Variants in POLR2K observed in about 807,000 individuals in gnomAD.
POLR2K encodes RNA polymerase II, I and III subunit K.
A neutral mutation model predicts 10.1 loss-of-function variants in POLR2K; 9 were observed. That is an observed-to-expected ratio of 0.89 (90% CI 0.54 to 1.56). The LOEUF (loss-of-function observed/expected upper bound fraction) is 1.56, where lower values mean the gene tolerates loss of function less well. POLR2K is among the 40% of genes most tolerant of loss of function. POLR2K has a pLI of 0.00. For synonymous variants in POLR2K, 19 were observed against 20.3 expected (o/e 0.94, Z 0.17); for missense variants, 53 against 71.9 (o/e 0.74, Z 0.95).
At chr8:100,150,868 T>G (rs980728903) in intron 1 of POLR2K, among the ~76,000 whole-genome samples, 159 bp downstream of exon 1, 2 of 152,216 alleles carry the variant, frequency 1.3e-5, no homozygotes, top group African/African-American at 4.8e-5. Flanking sequence ...GTTTAGATGT[T>G]TAGCCAGTAG....
At chr8:100,151,302 G>T in intron 1 of POLR2K, 45 bp from the exon 2 acceptor site, 1 of 1,263,026 alleles carries the variant, frequency 7.9e-7, no homozygotes, top group South Asian at 1.2e-5. Flanking sequence ...ATGGACTTGT[G>T]AGAAGCCCTT....
chr8:100,151,829 C>G lies in POLR2K; in HGVS notation c.67C>G (p.His23Asp). Residue 23 changes from histidine (H) to aspartate (D), a missense_variant, in exon 3 of 4, where the codon CAC (histidine) becomes GAC (aspartate). Physicochemically the swap from His to Asp is moderately conservative, Grantham distance 81. Transcript: ENST00000353107. ...ATTTTTTTTTTTAATTCTAGAGTGT[C>G]ACACAGAAAATGAAATAAAATCTAG... ...QPMIYICGEC[H>D]TENEIKSRDP... The G allele has an allele frequency of 6.7e-7, 1 of 1,485,640 alleles. No individual in the cohort carries two copies. Among genetic ancestry groups the G allele is most frequent in the Non-Finnish European group, 9.3e-7 (1 of 1,077,388 alleles). 92.0% of individuals were successfully genotyped at this position (1,485,640 alleles called of 1,614,324 possible). A position where few individuals can be genotyped will look rare whatever the true frequency, so the allele number is the denominator to read the frequency against.
In POLR2K at chr8:100,151,930, G is replaced by A. The variant is rs766239880; in HGVS notation, c.154+14G>A. The A allele has an allele frequency of 4.4e-6, 5 of 1,134,418 alleles. No individual in the cohort carries two copies. The highest frequency in any genetic ancestry group is 1.7e-5 in the Admixed American group (1 of 58,064). The allele number at this position is 1,134,418 out of a possible 1,614,324, so 70.3% of individuals were successfully genotyped here. A position where few individuals can be genotyped will look rare whatever the true frequency, so the allele number is the denominator to read the frequency against. On this transcript the variant is annotated intron_variant, in intron 3 of 3. Coordinates refer to ENST00000353107, the MANE Select transcript of POLR2K (RefSeq NM_005034.4). ...GGACTAAAAGATGTATCCTTTTAACGATGCTTTCTAAATATGAGTTAGGAG... is the reference window on the plus strand; with the variant it reads ...GGACTAAAAGATGTATCCTTTTAACAATGCTTTCTAAATATGAGTTAGGAG...
At position 100,153,515 on chromosome 8, in the gene POLR2K, C is replaced by A; in HGVS notation, c.*199C>A. 1 of 465,432 alleles carries A rather than the reference C, an allele frequency of 2.1e-6. No homozygotes were observed. The allele number at this position is 465,432 out of a possible 1,614,324, so 28.8% of individuals were successfully genotyped here. A position where few individuals can be genotyped will look rare whatever the true frequency, so the allele number is the denominator to read the frequency against. On this transcript the variant is annotated 3_prime_UTR_variant, in exon 4 of 4. Coordinates refer to ENST00000353107, the MANE Select transcript of POLR2K (RefSeq NM_005034.4). ...CACTGTTTTTTCCATATATATATAC[C>A]TATGATAAAGTATAATGTATAAATT...
Position 100,151,428 on chromosome 8 carries a change from A to ATATT in POLR2K, c.61+12_61+13insTATT. On this transcript the variant is annotated intron_variant, in intron 2 of 3. Coordinates refer to ENST00000353107, the MANE Select transcript of POLR2K (RefSeq NM_005034.4). The stretch of plus-strand genomic sequence containing the variant: ...ATATATCTGTGGAGGTAAGAGTAGC[A>ATATT]CTTACCTAAAGTAAGAATATTTTAT... The ATATT allele has an allele frequency of 2.7e-6, 4 of 1,495,650 alleles. No homozygotes were observed. The South Asian group carries it at 4.5e-5, about 17-fold the overall frequency. 92.6% of individuals were successfully genotyped at this position (1,495,650 alleles called of 1,614,324 possible).
intron 2 of POLR2K, 32 bp from the exon 3 acceptor site, chr8:100,151,792 G>A (rs751228022): frequency 2.1e-6 from 2 of 971,138 alleles, no homozygotes; most frequent in South Asian, 2.8e-5. Context: ...TTTCCTCTTA[G>A]GCATTGAGTA....
At position 100,153,322 on chromosome 8, in the gene POLR2K, G is replaced by A; in HGVS notation, c.*6G>A. On this transcript the variant is annotated 3_prime_UTR_variant, in exon 4 of 4. Transcript: ENST00000353107. The stretch of plus-strand genomic sequence containing the variant: ...TCGTTTTTGATGCTCGATGAATGCT[G>A]GGAATTCAGAGGAATGTCTTCACTT... The A allele has an allele frequency of 6.2e-7, 1 of 1,606,036 alleles. No homozygotes were observed. Among genetic ancestry groups the A allele is most frequent in the Non-Finnish European group, 8.5e-7 (1 of 1,173,942 alleles).
rs1363790311 is a variant in POLR2K, at chr8:100,153,293, G to C, written c.155-1G>C. The C allele has an allele frequency of 6.2e-7, 1 of 1,607,892 alleles. No individual in the cohort carries two copies. The highest frequency in any genetic ancestry group is 1.1e-5 in the South Asian group (1 of 90,524). ...TTTGTCCTTAACTCAAATTAATACA[G>C]TGGTCGTTTTTGATGCTCGATGAAT... On this transcript the variant is annotated splice_acceptor_variant, in intron 3 of 3. Coordinates refer to ENST00000353107, the MANE Select transcript of POLR2K (RefSeq NM_005034.4). LOFTEE classifies it high-confidence loss of function.
At chr8:100,150,970 T>C (rs1814909793) in intron 1 of POLR2K, among the ~76,000 whole-genome samples, 1 of 152,140 alleles carries the variant, frequency 6.6e-6, no homozygotes, top group East Asian at 1.9e-4. Context: ...TTTGGGAAAA[T>C]AGAACTTGTG....
chr8:100,152,759 TTTTG>T (rs1489607908), intron 3 of POLR2K, among the ~76,000 whole-genome samples: 2 of 152,100 alleles, frequency 1.3e-5, no homozygotes, highest in African/African-American at 2.4e-5. Flanking sequence ...TAGTGTTTTT[TTTTG>T]TTTGTTTTTT....
Position 100,153,438 on chromosome 8 carries a change from T to C in POLR2K, c.*122T>C. 1 of 810,644 alleles carries C rather than the reference T, an allele frequency of 1.2e-6. No homozygotes were observed. Among genetic ancestry groups the C allele is most frequent in the Non-Finnish European group, 2.1e-6 (1 of 484,042 alleles). 50.2% of individuals were successfully genotyped at this position (810,644 alleles called of 1,614,324 possible). A position where few individuals can be genotyped will look rare whatever the true frequency, so the allele number is the denominator to read the frequency against. ...TCCCCCTTATCTTCGGGAGATACATTCCAAGGCCCCCAGTGAACTCCTGAA... is the reference window on the plus strand; with the variant it reads ...TCCCCCTTATCTTCGGGAGATACATCCCAAGGCCCCCAGTGAACTCCTGAA... On this transcript the variant is annotated 3_prime_UTR_variant, in exon 4 of 4. Transcript: ENST00000353107.
chr8:100,151,425 A>G lies in POLR2K; in HGVS notation c.61+9A>G. 1 of 1,513,900 alleles carries G rather than the reference A, an allele frequency of 6.6e-7. No individual in the cohort carries two copies. The highest frequency in any genetic ancestry group is 9.2e-7 in the Non-Finnish European group (1 of 1,088,472). 93.8% of individuals were successfully genotyped at this position (1,513,900 alleles called of 1,614,324 possible). On this transcript the variant is annotated intron_variant, in intron 2 of 3. Transcript: ENST00000353107. ...GATATATATCTGTGGAGGTAAGAGT[A>G]GCACTTACCTAAAGTAAGAATATTT... is the stretch of plus-strand genomic sequence containing the variant.
Position 100,151,851 on chromosome 8 carries a change from C to G in POLR2K, c.89C>G (p.Ser30Cys). The G allele has an allele frequency of 6.4e-7, 1 of 1,556,122 alleles. No individual in the cohort carries two copies. Among genetic ancestry groups the G allele is most frequent in the Non-Finnish European group, 8.8e-7 (1 of 1,136,394 alleles). The change falls in exon 3 of 4, where the codon TCT becomes TGT. Residue 30 changes from serine (S) to cysteine (C), a missense_variant. Transcript: ENST00000353107. ...GECHTENEIK[S>C]RDPIRCRECG... The stretch of plus-strand genomic sequence containing the variant: ...TGTCACACAGAAAATGAAATAAAAT[C>G]TAGGGATCCAATCAGATGCAGAGAA...
Position 100,153,674 on chromosome 8 carries a change from G to A in POLR2K, c.*358G>A, listed in dbSNP as rs1173922431. The A allele has an allele frequency of 5.8e-6, 1 of 171,548 alleles. No homozygotes were observed. Among genetic ancestry groups the A allele is most frequent in the African/African-American group, 2.4e-5 (1 of 42,182 alleles). 10.6% of individuals were successfully genotyped at this position (171,548 alleles called of 1,614,324 possible). ...CAGTACTCACCTATTTTAGAATGTG[G>A]TTGACTACAGGTAACCAAAACCACA... is the stretch of plus-strand genomic sequence containing the variant. On this transcript the variant is annotated 3_prime_UTR_variant, in exon 4 of 4. Transcript: ENST00000353107.
At chr8:100,152,978 C>T (rs1814940613) in intron 3 of POLR2K, among the ~76,000 whole-genome samples, 1 of 152,064 alleles carries the variant, frequency 6.6e-6, no homozygotes, top group African/African-American at 2.4e-5. Flanking sequence ...CCATGTTAGC[C>T]AGGATGGTCT....
At chr8:100,151,969 CT>C in intron 3 of POLR2K, 53 bp downstream of exon 3, 2 of 844,968 alleles carry the variant, frequency 2.4e-6, no homozygotes, top group African/African-American at 1.7e-5. Flanking sequence ...ATGAATAATG[CT>C]GGGGTTGATA....
At chr8:100,150,921 T>G (rs951404341) in intron 1 of POLR2K, among the ~76,000 whole-genome samples, 1 of 152,214 alleles carries the variant, frequency 6.6e-6, no homozygotes, top group Non-Finnish European at 1.5e-5. Context: ...TGTTCCCCTG[T>G]TGAGGGATAT....
In POLR2K at chr8:100,151,427, C is replaced by T; in HGVS notation, c.61+11C>T. 4 of 1,522,806 alleles carry T rather than the reference C, an allele frequency of 2.6e-6. No homozygotes were observed. The South Asian group carries it at 4.5e-5, about 17-fold the overall frequency. 94.3% of individuals were successfully genotyped at this position (1,522,806 alleles called of 1,614,324 possible). On this transcript the variant is annotated intron_variant, in intron 2 of 3. Coordinates refer to ENST00000353107, the MANE Select transcript of POLR2K (RefSeq NM_005034.4). ...TATATATCTGTGGAGGTAAGAGTAG[C>T]ACTTACCTAAAGTAAGAATATTTTA...
In POLR2K at chr8:100,153,276, TAACTC is replaced by T. The variant is rs751289358; in HGVS notation, c.155-15_155-11del. 3 of 1,599,704 alleles carry T rather than the reference TAACTC, an allele frequency of 1.9e-6. No individual in the cohort carries two copies. The highest frequency in any genetic ancestry group is 2.2e-5 in the East Asian group (1 of 44,566). ...AATGTTTAAGTACCGTTTTTGTCCT[TAACTC>T]AAATTAATACAGTGGTCGTTTTTGA... is the stretch of plus-strand genomic sequence containing the variant. On this transcript the variant is annotated splice_polypyrimidine_tract_variant and intron_variant, in intron 3 of 3. Coordinates refer to ENST00000353107, the MANE Select transcript of POLR2K (RefSeq NM_005034.4).
Sources: allele counts gnomAD v4.1 joint callset (sites outside exome capture counted in the v4.1 genomes callset), GRCh38; gene constraint gnomAD v4.1.1; transcripts MANE v1.5; gene names NCBI Gene and HGNC (gene_info 2026-07-23, HGNC 2026-07-21).